The following RC3H2 variants were observed in gnomAD, a reference collection of about 807,000 sequenced individuals.
RC3H2 encodes the protein roquin-2.
RC3H2 carries 31 observed loss-of-function variants against 133.3 expected under a neutral mutation model. The ratio of observed to expected loss-of-function variants is 0.23; its 90% CI spans 0.17 to 0.31. The LOEUF (loss-of-function observed/expected upper bound fraction) is 0.31, where lower values mean the gene tolerates loss of function less well. Ranked by LOEUF, RC3H2 falls within the 10% of genes least tolerant of loss-of-function variation. The pLI, the probability that RC3H2 is intolerant of heterozygous loss-of-function variation, is 1.00. For synonymous variants in RC3H2, 517 were observed against 502.2 expected, an observed-to-expected ratio of 1.03 and a Z score of -0.40; for missense variants, 1,175 against 1,437.2, an observed-to-expected ratio of 0.82 and a Z score of 2.95.
At chr9:122,886,071 G>T (rs905870032) in intron 4 of RC3H2, among the ~76,000 whole-genome samples, 8 of 152,060 alleles carry the variant, frequency 5.3e-5, no homozygotes, top group Non-Finnish European at 1.5e-5. Context: ...TCTATTTTCA[G>T]TAGAGACAGA....
At chr9:122,861,345 C>T (rs949340793) in intron 10 of RC3H2, among the ~76,000 whole-genome samples, 21 of 151,814 alleles carry the variant, frequency 1.4e-4, no homozygotes, top group Non-Finnish European at 2.4e-4. Flanking sequence ...ACAAAATTAG[C>T]CGGGTGTGGT....
intron 9 of RC3H2, chr9:122,874,479 G>C (rs1831247329): frequency 6.6e-6 from 1 of 151,892 alleles, no homozygotes; most frequent in African/African-American, 2.4e-5. Flanking sequence ...TATTATTTTT[G>C]AATGAGTGAT....
chr9:122,900,064 C>T (rs1832596301), intron 1 of RC3H2, among the ~76,000 whole-genome samples: 1 of 152,148 alleles, frequency 6.6e-6, no homozygotes, highest in African/African-American at 2.4e-5. Context: ...TAAACTGTTT[C>T]AAACTATACC....
intron 4 of RC3H2, among the ~76,000 whole-genome samples, chr9:122,885,973 C>CG (rs1484701148): frequency 6.6e-6 from 1 of 152,192 alleles, no homozygotes; most frequent in Non-Finnish European, 1.5e-5. Flanking sequence ...CTGCAACCTC[C>CG]GCCTCCTAGG....
chr9:122,888,008 G>A (rs931557286), intron 4 of RC3H2, among the ~76,000 whole-genome samples: 6 of 152,060 alleles, frequency 3.9e-5, no homozygotes, highest in Admixed American at 1.3e-4. Context: ...GCCTCCCAAA[G>A]TGCTGGGATT....
intron 13 of RC3H2, 48 bp from the exon 14 acceptor site, chr9:122,855,926 T>C: frequency 6.7e-7 from 1 of 1,490,324 alleles, no homozygotes; most frequent in Non-Finnish European, 9.1e-7. Flanking sequence ...AGCTTAAATT[T>C]ACAAGCTTGT....
intron 13 of RC3H2, among the ~76,000 whole-genome samples, chr9:122,856,204 A>G (rs1260829344): frequency 6.6e-6 from 1 of 152,166 alleles, no homozygotes; most frequent in Non-Finnish European, 1.5e-5. Context: ...GAAAACAAAT[A>G]CATAGATACA....
At chr9:122,865,277 A>G in intron 10 of RC3H2, 72 bp downstream of exon 10, 1 of 1,293,662 alleles carries the variant, frequency 7.7e-7, no homozygotes, top group Admixed American at 2.3e-5. Flanking sequence ...ATTCATCAGC[A>G]GAAATAAAAA....
At chr9:122,888,754 T>C (rs1341143233) in intron 4 of RC3H2, among the ~76,000 whole-genome samples, 4 of 152,236 alleles carry the variant, frequency 2.6e-5, no homozygotes, top group African/African-American at 9.6e-5. Flanking sequence ...TTCAGGTTGT[T>C]TCCAGATGTT....
chr9:122,900,598 C>G (rs1162533943), intron 1 of RC3H2, among the ~76,000 whole-genome samples: 4 of 152,108 alleles, frequency 2.6e-5, no homozygotes, highest in African/African-American at 9.7e-5. Flanking sequence ...ACTAAGACTA[C>G]ATATTAATTT....
intron 4 of RC3H2, among the ~76,000 whole-genome samples, chr9:122,888,815 T>C (rs1001434350): frequency 2.0e-5 from 3 of 152,202 alleles, no homozygotes; most frequent in African/African-American, 7.2e-5. Context: ...TACCTTCTGT[T>C]GTCTCTTTGG....
At chr9:122,879,363 C>A (rs925948019) in intron 8 of RC3H2, among the ~76,000 whole-genome samples, 1 of 151,510 alleles carries the variant, frequency 6.6e-6, no homozygotes, top group African/African-American at 2.4e-5. Context: ...CACTGCACTC[C>A]AGCCTGGGTG....
intron 2 of RC3H2, 115 bp from the exon 3 acceptor site, chr9:122,893,141 T>G: frequency 7.5e-7 from 1 of 1,327,732 alleles, no homozygotes; most frequent in Non-Finnish European, 9.9e-7. Context: ...GCATAGATAA[T>G]ACATGAAAGC....
chr9:122,853,241 C>A (rs1214903095), intron 18 of RC3H2, among the ~76,000 whole-genome samples: 1 of 151,730 alleles, frequency 6.6e-6, no homozygotes, highest in Admixed American at 6.6e-5. Context: ...GACACAAACG[C>A]TGCGGAAGGC....
intron 8 of RC3H2, among the ~76,000 whole-genome samples, chr9:122,877,842 A>G (rs1462092630): frequency 2.0e-5 from 3 of 152,224 alleles, no homozygotes; most frequent in African/African-American, 7.2e-5. Context: ...TCATTAGTTA[A>G]CAGAATGCCC....
chr9:122,865,925 T>C (rs1455826485), intron 9 of RC3H2, among the ~76,000 whole-genome samples: 28 of 152,206 alleles, frequency 1.8e-4, no homozygotes, highest in Admixed American at 1.8e-3. Context: ...TCATGCCACT[T>C]TGTCCAAGAA....
rs1468683656 is a variant in RC3H2 at position 122,890,343 on chromosome 9, G to A, written c.552C>T (p.Val184=). The A allele has an allele frequency of 6.2e-7, 1 of 1,614,122 alleles. No individual in the cohort carries two copies. Among genetic ancestry groups the A allele is most frequent in the Non-Finnish European group, 8.5e-7 (1 of 1,180,020 alleles). The change falls in exon 4 of 21, where the codon GTC becomes GTT. Residue 184 remains valine, a synonymous_variant. Coordinates refer to ENST00000357244, the MANE Select transcript of RC3H2 (RefSeq NM_001100588.3). ...QQLSANLWAA[V]RARGCQFLGP... ...CTAAAAACTGGCATCCTCGAGCCCT[G>A]ACAGCGGCCCATAGATTGGCAGACA... is the stretch of plus-strand genomic sequence containing the variant.
intron 18 of RC3H2, among the ~76,000 whole-genome samples, chr9:122,852,014 C>G (rs1426619427): frequency 2.6e-4 from 34 of 129,696 alleles, no homozygotes; most frequent in African/African-American, 2.8e-4. Context: ...AAAGTGAGGA[C>G]CGTCTCTGCC....
intron 1 of RC3H2, among the ~76,000 whole-genome samples, chr9:122,898,733 G>C (rs973043721): frequency 2.3e-5 from 3 of 128,352 alleles, no homozygotes; most frequent in South Asian, 2.6e-4. Context: ...TGGACAAAAA[G>C]AGCGAAACTT....
Sources: gnomAD v4.1 joint callset for allele counts (sites outside exome capture counted in the v4.1 genomes callset) on GRCh38, gnomAD v4.1.1 for gene constraint, MANE v1.5 for transcripts, NCBI Gene and HGNC (gene_info 2026-07-23, HGNC 2026-07-21) for gene names.